NKAIN3: variants seen among roughly 807,000 people sequenced by gnomAD.
NKAIN3 encodes the protein sodium/potassium-transporting ATPase subunit beta-1-interacting protein 3.
In NKAIN3, 25 loss-of-function variants were observed where a neutral mutation model predicts 30.2. The ratio of observed to expected loss-of-function variants is 0.83; its 90% CI spans 0.60 to 1.16. The LOEUF (loss-of-function observed/expected upper bound fraction) is 1.16, where lower values mean the gene tolerates loss of function less well. NKAIN3 is among the 50% of genes most tolerant of loss of function. The pLI is 0.00. For missense variants in NKAIN3, 225 were observed against 254.1 expected, an observed-to-expected ratio of 0.89 and a Z score of 0.78; for synonymous variants, 91 against 89.6, an observed-to-expected ratio of 1.02 and a Z score of -0.09.
In NKAIN3 at chr8:62,747,138, C is replaced by G. The variant is rs1381891355; in HGVS notation, c.471+9C>G. On this transcript the variant is annotated intron_variant, in intron 4 of 6. Coordinates refer to ENST00000623646, the MANE Select transcript of NKAIN3 (RefSeq NM_001304533.3). ...TCCAAATACTACTCTCTGTAAGTGT[C>G]ACTTTTGTGTCATTATCTAATCAGA... 3 of 1,566,038 alleles carry G rather than the reference C, an allele frequency of 1.9e-6. No homozygotes were observed. Among genetic ancestry groups the G allele is most frequent in the Non-Finnish European group, 2.6e-6 (3 of 1,139,002 alleles).
chr8:62,455,898 T>C (rs1805805150), intron 1 of NKAIN3, among the ~76,000 whole-genome samples: 1 of 152,194 alleles, frequency 6.6e-6, no homozygotes, highest in South Asian at 2.1e-4. Context: ...CCCCAGTGGA[T>C]ACATGAAACC....
At position 62,979,237 on chromosome 8, in the gene NKAIN3, G is replaced by T. The variant is rs60897253; in HGVS notation, c.*13830G>T. ...GGTGTGTGTGTGTGAAAGAGAGAGA[G>T]AAACAGAAACAGAGACAAGGAGACA... On this transcript the variant is annotated 3_prime_UTR_variant, in exon 7 of 7. Transcript: ENST00000623646. The T allele has an allele frequency of 0.11, 16,159 of 152,090 alleles. 902 individuals carry two copies. Among genetic ancestry groups the T allele is most frequent in the South Asian group, 0.17 (821 of 4,812 alleles). The allele number at this position is 152,090 out of a possible 1,614,324, so 9.4% of individuals were successfully genotyped here.
intron 1 of NKAIN3, among the ~76,000 whole-genome samples, chr8:62,396,661 C>T (rs1817776729): frequency 6.6e-6 from 1 of 152,080 alleles, no homozygotes; most frequent in Non-Finnish European, 1.5e-5. Context: ...ATAATTTTAG[C>T]CCTACTTACC....
rs961961609 is a variant in NKAIN3, at chr8:62,983,647, C to T, written c.*18240C>T. On this transcript the variant is annotated 3_prime_UTR_variant, in exon 7 of 7. Transcript: ENST00000623646. ...TTCGTGCTATGAGACTGAAGTCCTC[C>T]TAGACCGCCCCATTCATCTGAGTAG... The T allele has an allele frequency of 2.0e-5, 3 of 152,182 alleles. No individual in the cohort carries two copies. Among genetic ancestry groups the T allele is most frequent in the Non-Finnish European group, 2.9e-5 (2 of 68,030 alleles). 9.4% of individuals were successfully genotyped at this position (152,182 alleles called of 1,614,324 possible). A position where few individuals can be genotyped will look rare whatever the true frequency, so the allele number is the denominator to read the frequency against.
rs568083506 is a variant in NKAIN3 at position 62,887,209 on chromosome 8, T to G, written c.472-31244T>G. Among the ~76,000 whole-genome samples the G allele has an allele frequency of 3.9e-5, 6 of 152,350 alleles. No individual in the cohort carries two copies. In the South Asian group the frequency reaches 1.2e-3, roughly 32 times the overall value. On this transcript the variant is annotated intron_variant, in intron 4 of 6. Transcript: ENST00000623646. ...AAGGATAAGTCAGTTGTAATTCTTT[T>G]CTCCTCTGTAAGTAAAGTGTTGTGT...
At chr8:62,847,071 G>T (rs1819710508) in intron 4 of NKAIN3, among the ~76,000 whole-genome samples, 1 of 151,996 alleles carries the variant, frequency 6.6e-6, no homozygotes, top group Non-Finnish European at 1.5e-5. Flanking sequence ...GATTTGGGTG[G>T]CAACACAACC....
At chr8:62,949,197 G>A (rs1051183695) in intron 5 of NKAIN3, among the ~76,000 whole-genome samples, 4 of 152,192 alleles carry the variant, frequency 2.6e-5, no homozygotes, top group Non-Finnish European at 4.4e-5. Context: ...AGCACGAGAC[G>A]AAGGAGAGTC....
rs551270417 is a variant in NKAIN3, at chr8:62,984,797, C to T, written c.*19390C>T. 3.9e-5 allele frequency: 6 copies of T among 152,288 alleles called. No homozygotes were observed. The highest frequency in any genetic ancestry group is 4.1e-4 in the South Asian group (2 of 4,826). 9.4% of individuals were successfully genotyped at this position (152,288 alleles called of 1,614,324 possible). On this transcript the variant is annotated 3_prime_UTR_variant, in exon 7 of 7. Coordinates refer to ENST00000623646, the MANE Select transcript of NKAIN3 (RefSeq NM_001304533.3). ...AGTGTTATTTAACAGAAACTACATA[C>T]ATTTTTTATGTCTCTCTGGACCCTT...
intron 1 of NKAIN3, among the ~76,000 whole-genome samples, chr8:62,347,721 A>G (rs1344945733): frequency 6.6e-6 from 1 of 152,142 alleles, no homozygotes; most frequent in African/African-American, 2.4e-5. Context: ...TTTAAGAAGT[A>G]TTTTTGCAAA....
intron 1 of NKAIN3, among the ~76,000 whole-genome samples, chr8:62,476,483 A>G (rs946761419): frequency 2.0e-5 from 3 of 150,640 alleles, no homozygotes; most frequent in African/African-American, 7.3e-5. Context: ...TTGAGAATGG[A>G]GTCTCGCTCT....
intron 5 of NKAIN3, among the ~76,000 whole-genome samples, chr8:62,945,397 C>T (rs1441376089): frequency 6.6e-6 from 1 of 152,162 alleles, no homozygotes. Context: ...AAGCCAGCTA[C>T]CTTTTTATTA....
chr8:62,322,824 T>C (rs948046964), intron 1 of NKAIN3, among the ~76,000 whole-genome samples: 3 of 152,170 alleles, frequency 2.0e-5, no homozygotes, highest in Non-Finnish European at 4.4e-5. Context: ...CCAACATATA[T>C]GATGACTCTG....
rs749515614 is a variant in NKAIN3 at position 62,504,751 on chromosome 8, C to T, written c.55-74788C>T. Among the ~76,000 whole-genome samples, 13 of 152,132 alleles carry T rather than the reference C, an allele frequency of 8.5e-5. No individual in the cohort carries two copies. In the East Asian group the frequency reaches 2.1e-3, roughly 25 times the overall value. ...CAGTAGCTCTGTGTTGCCTATAGCA[C>T]GATGCTATAATTCCTTTAGCTGTCA... On this transcript the variant is annotated intron_variant, in intron 1 of 6. Coordinates refer to ENST00000623646, the MANE Select transcript of NKAIN3 (RefSeq NM_001304533.3).
chr8:62,689,882 C>T (rs893201878), intron 3 of NKAIN3, among the ~76,000 whole-genome samples: 9 of 151,876 alleles, frequency 5.9e-5, no homozygotes, highest in Admixed American at 5.9e-4. Flanking sequence ...TACATCATAT[C>T]TCAGTTTCCT....
In NKAIN3 at chr8:62,972,814, A is replaced by T. The variant is rs1276550467; in HGVS notation, c.*7407A>T. Among the ~76,000 whole-genome samples the T allele has an allele frequency of 2.0e-5, 3 of 152,042 alleles. No individual in the cohort carries two copies. Among genetic ancestry groups the T allele is most frequent in the Non-Finnish European group, 4.4e-5 (3 of 68,004 alleles). Reference sequence around the variant, plus strand: ...TACATTAGGTATATCTCCTAATGTTATCCCTCCCCTTGTCCCCCACTCCCC... The same window carrying T: ...TACATTAGGTATATCTCCTAATGTTTTCCCTCCCCTTGTCCCCCACTCCCC... On this transcript the variant is annotated 3_prime_UTR_variant, in exon 7 of 7. Transcript: ENST00000623646.
At chr8:62,624,460 A>G (rs1046099515) in intron 3 of NKAIN3, among the ~76,000 whole-genome samples, 20 of 151,766 alleles carry the variant, frequency 1.3e-4, no homozygotes, top group African/African-American at 4.8e-4. Context: ...CTGAGAAGTC[A>G]GATGTAATTC....
intron 3 of NKAIN3, among the ~76,000 whole-genome samples, chr8:62,665,073 C>T (rs2130370366): frequency 6.6e-6 from 1 of 152,260 alleles, no homozygotes; most frequent in African/African-American, 2.4e-5. Flanking sequence ...TAGGAAGTTA[C>T]TGGAAATGCA....
intron 4 of NKAIN3, among the ~76,000 whole-genome samples, chr8:62,901,699 A>G (rs1350556041): frequency 6.6e-6 from 1 of 152,198 alleles, no homozygotes; most frequent in Non-Finnish European, 1.5e-5. Flanking sequence ...CCATTCAATT[A>G]CAGAAAAGCA....
At chr8:62,618,220 A>G (rs1563485997) in intron 3 of NKAIN3, among the ~76,000 whole-genome samples, 1 of 152,122 alleles carries the variant, frequency 6.6e-6, no homozygotes, top group South Asian at 2.1e-4. Flanking sequence ...AGGAAATCCT[A>G]TTTCTGAGAA....
Sources: gnomAD v4.1 joint callset for allele counts (sites outside exome capture counted in the v4.1 genomes callset) on GRCh38, gnomAD v4.1.1 for gene constraint, MANE v1.5 for transcripts, NCBI Gene and HGNC (gene_info 2026-07-23, HGNC 2026-07-21) for gene names.